Variants in SLC34A1 observed in about 807,000 individuals in gnomAD.
SLC34A1 encodes the protein sodium-dependent phosphate transport protein 2A.
SLC34A1 carries 57 observed loss-of-function variants against 51.4 expected under a neutral mutation model. That is an observed-to-expected ratio of 1.11 (90% confidence interval 0.90 to 1.38). The LOEUF is 1.38. Among genes scored for constraint, SLC34A1 ranks in the 40% most tolerant of loss-of-function variants. The pLI is 0.00. For synonymous variants in SLC34A1, 368 were observed against 358.0 expected (o/e 1.03, Z -0.32); for missense variants, 796 against 835.6 (o/e 0.95, Z 0.58).
In SLC34A1 at chr5:177,388,074, G is replaced by C; in HGVS notation, c.725G>C (p.Gly242Ala). 6.2e-7 allele frequency: 1 copy of C among 1,614,094 alleles called. No homozygotes were observed. The highest frequency in any genetic ancestry group is 8.5e-7 in the Non-Finnish European group (1 of 1,180,018). The change falls in exon 7 of 13, where the codon GGC (glycine) becomes GCC (alanine). Residue 242 changes from glycine to alanine, a missense_variant. Gly to Ala is a moderately conservative substitution (Grantham distance 60). Coordinates refer to ENST00000324417, the MANE Select transcript of SLC34A1 (RefSeq NM_003052.5). The surrounding 1 kb of genome is among the most constrained non-coding windows in gnomAD (Gnocchi z 4.3). ...CTGCTGCCCCTGGAGGCTGCCACTG[G>C]CTACCTGCACCACATCACTCGACTT... is the stretch of plus-strand genomic sequence containing the variant. ...LVLLPLEAATGYLHHITRLVV... is the reference protein window; with the variant it reads ...LVLLPLEAATAYLHHITRLVV...
At chr5:177,397,487 T>A (rs1763008320) in intron 12 of SLC34A1, 1 of 538,438 alleles carries the variant, frequency 1.9e-6, no homozygotes, top group Non-Finnish European at 3.4e-6. Context: ...CATCAATCCT[T>A]TAGCTGCTGG....
At position 177,398,314 on chromosome 5, in the gene SLC34A1, TG is replaced by T; in HGVS notation, c.*32del. ...TGTGGGCCCAGACTACAGCCTGGAA[TG>T]GGGAAGGCCTGGGGTGGAAAGGCAG... On this transcript the variant is annotated 3_prime_UTR_variant, in exon 13 of 13. Transcript: ENST00000324417. The surrounding 1 kb of genome is among the most constrained non-coding windows in gnomAD (Gnocchi z 4.7). The T allele has an allele frequency of 6.3e-7, 1 of 1,598,784 alleles. No individual in the cohort carries two copies. Among genetic ancestry groups the T allele is most frequent in the Non-Finnish European group, 8.5e-7 (1 of 1,179,852 alleles).
intron 8 of SLC34A1, among the ~76,000 whole-genome samples, chr5:177,391,089 C>A (rs544451601): frequency 6.6e-6 from 1 of 152,294 alleles, no homozygotes; most frequent in Admixed American, 6.5e-5. Context: ...GCCCCTCCAG[C>A]CTCTCCTACC....
At position 177,386,096 on chromosome 5, in the gene SLC34A1, AC is replaced by A; in HGVS notation, c.220del (p.Leu74CysfsTer33). 1.9e-6 allele frequency: 3 copies of A among 1,613,236 alleles called. No individual in the cohort carries two copies. Among genetic ancestry groups the A allele is most frequent in the Non-Finnish European group, 2.5e-6 (3 of 1,179,568 alleles). ...CGEVLERHEPLPAKLALEEEQ... is the reference protein window; with the variant it reads ...CGEVLERHEPXPAKLALEEEQ... The stretch of plus-strand genomic sequence containing the variant: ...GGGAGGTCCTGGAGCGCCATGAACC[AC>A]TGCCTGCCAAGCTGGCCCTGGAGGA... On this transcript the variant is annotated frameshift_variant, in exon 3 of 13. Transcript: ENST00000324417. LOFTEE classifies it high-confidence loss of function. The surrounding 1 kb of genome is among the most constrained non-coding windows in gnomAD (Gnocchi z 4.8).
Position 177,398,493 on chromosome 5 carries a change from T to C in SLC34A1, c.*207T>C, listed in dbSNP as rs1763045067. On this transcript the variant is annotated 3_prime_UTR_variant, in exon 13 of 13. Transcript: ENST00000324417. The surrounding 1 kb of genome is among the most constrained non-coding windows in gnomAD (Gnocchi z 4.7). The stretch of plus-strand genomic sequence containing the variant: ...AGTCTGCATGTGCACCTGTCATGTG[T>C]AGAAGCTTGTATTTGTGTACAGGTG... The C allele has an allele frequency of 3.1e-6, 2 of 653,150 alleles. No individual in the cohort carries two copies. Among genetic ancestry groups the C allele is most frequent in the Non-Finnish European group, 5.5e-6 (2 of 361,916 alleles). The allele number at this position is 653,150 out of a possible 1,614,324, so 40.5% of individuals were successfully genotyped here.
In SLC34A1 at chr5:177,388,202, C is replaced by T. The variant is rs1340358596; in HGVS notation, c.840+13C>T. 1 of 1,614,054 alleles carries T rather than the reference C, an allele frequency of 6.2e-7. No homozygotes were observed. Among genetic ancestry groups the T allele is most frequent in the Non-Finnish European group, 8.5e-7 (1 of 1,180,004 alleles). ...GCTCATCATCCAGGTGACAGCAGGG[C>T]CTGGCATGGGGTGAGGGTGGGGGTA... On this transcript the variant is annotated intron_variant, in intron 7 of 12. Coordinates refer to ENST00000324417, the MANE Select transcript of SLC34A1 (RefSeq NM_003052.5). The surrounding 1 kb of genome is among the most constrained non-coding windows in gnomAD (Gnocchi z 4.3).
At position 177,397,685 on chromosome 5, in the gene SLC34A1, C is replaced by A. The variant is rs1185277341; in HGVS notation, c.1417-98C>A. ...CCCTAAGTGGAAACTTTCCTGCTGC[C>A]CAGACCAGATCGGGGTTCCTATCAT... On this transcript the variant is annotated intron_variant, in intron 12 of 12. Coordinates refer to ENST00000324417, the MANE Select transcript of SLC34A1 (RefSeq NM_003052.5). 2.0e-6 allele frequency: 3 copies of A among 1,532,404 alleles called. No individual in the cohort carries two copies. The African/African-American group carries it at 4.1e-5, about 21-fold the overall frequency. The allele number at this position is 1,532,404 out of a possible 1,614,324, so 94.9% of individuals were successfully genotyped here. A position where few individuals can be genotyped will look rare whatever the true frequency, so the allele number is the denominator to read the frequency against.
At chr5:177,389,978 C>A (rs774184010) in intron 8 of SLC34A1, 141 of 1,382,496 alleles carry the variant, frequency 1.0e-4, no homozygotes, top group Non-Finnish European at 1.3e-4. Context: ...GGGACCCAAG[C>A]TCTCACTTTC....
chr5:177,398,619 G>T lies in SLC34A1; in HGVS notation c.*333G>T. The T allele has an allele frequency of 2.2e-6, 1 of 458,096 alleles. No homozygotes were observed. Among genetic ancestry groups the T allele is most frequent in the Non-Finnish European group, 4.1e-6 (1 of 244,752 alleles). 28.4% of individuals were successfully genotyped at this position (458,096 alleles called of 1,614,324 possible). A position where few individuals can be genotyped will look rare whatever the true frequency, so the allele number is the denominator to read the frequency against. ...TCAGGTCCTCTGCACGTGTACACATGACTAGGATAGGCAGGAGTAAGGGTG... is the reference window on the plus strand; with the variant it reads ...TCAGGTCCTCTGCACGTGTACACATTACTAGGATAGGCAGGAGTAAGGGTG... On this transcript the variant is annotated 3_prime_UTR_variant, in exon 13 of 13. Coordinates refer to ENST00000324417, the MANE Select transcript of SLC34A1 (RefSeq NM_003052.5). The surrounding 1 kb of genome is among the most constrained non-coding windows in gnomAD (Gnocchi z 4.7).
intron 6 of SLC34A1, 31 bp downstream of exon 6, chr5:177,387,904 C>A: frequency 6.2e-7 from 1 of 1,605,246 alleles, no homozygotes; most frequent in Non-Finnish European, 8.5e-7. Context: ...GGGGCTCGTG[C>A]CTGGGGGAGG....
chr5:177,393,227 C>G (rs550099123), intron 8 of SLC34A1, among the ~76,000 whole-genome samples: 1 of 152,058 alleles, frequency 6.6e-6, no homozygotes, highest in Non-Finnish European at 1.5e-5. Context: ...CCTTACACCC[C>G]CTGAGGATAA....
In SLC34A1 at chr5:177,397,091, G is replaced by A; in HGVS notation, c.1416+17G>A. The A allele has an allele frequency of 6.2e-7, 1 of 1,611,024 alleles. No homozygotes were observed. Reference sequence around the variant, plus strand: ...GCTTTCCAGGTGCGCTGGGAGTGTAGCCTCGCCTGGGGCAGGATGGAGCTG... The same window carrying A: ...GCTTTCCAGGTGCGCTGGGAGTGTAACCTCGCCTGGGGCAGGATGGAGCTG... On this transcript the variant is annotated intron_variant, in intron 12 of 12. Coordinates refer to ENST00000324417, the MANE Select transcript of SLC34A1 (RefSeq NM_003052.5).
chr5:177,398,385 C>A lies in SLC34A1; in HGVS notation c.*99C>A. The A allele has an allele frequency of 7.1e-7, 1 of 1,404,886 alleles. No individual in the cohort carries two copies. Among genetic ancestry groups the A allele is most frequent in the Non-Finnish European group, 1.0e-6 (1 of 1,004,866 alleles). 87.0% of individuals were successfully genotyped at this position (1,404,886 alleles called of 1,614,324 possible). A position where few individuals can be genotyped will look rare whatever the true frequency, so the allele number is the denominator to read the frequency against. On this transcript the variant is annotated 3_prime_UTR_variant, in exon 13 of 13. Coordinates refer to ENST00000324417, the MANE Select transcript of SLC34A1 (RefSeq NM_003052.5). The surrounding 1 kb of genome is among the most constrained non-coding windows in gnomAD (Gnocchi z 4.7). ...GGTATGTGCATGTGCCTGTGCCACC[C>A]TGGGTGCCAGTCTCTCCTTCTGTAG...
intron 8 of SLC34A1, chr5:177,389,803 C>T: frequency 6.5e-7 from 1 of 1,529,374 alleles, no homozygotes; most frequent in Non-Finnish European, 8.8e-7. Flanking sequence ...AAGTCATCCT[C>T]ACCCAGGTTC....
At chr5:177,385,912 G>C in intron 2 of SLC34A1, 62 bp downstream of exon 2, 1 of 1,609,896 alleles carries the variant, frequency 6.2e-7, no homozygotes, top group Non-Finnish European at 8.5e-7. Flanking sequence ...CCCGGATGAG[G>C]CCACTTCCCC....
chr5:177,392,160 C>T (rs944096724), intron 8 of SLC34A1, among the ~76,000 whole-genome samples: 9 of 152,178 alleles, frequency 5.9e-5, no homozygotes, highest in African/African-American at 1.9e-4. Context: ...TTACACCAGA[C>T]GCCATAAAAG....
At chr5:177,397,289 A>C (rs1054658336) in intron 12 of SLC34A1, 7 of 588,134 alleles carry the variant, frequency 1.2e-5, no homozygotes, top group Non-Finnish European at 2.1e-5. Flanking sequence ...TACACCAATA[A>C]ATAGCAGTGA....
In SLC34A1 at chr5:177,388,938, G is replaced by A. The variant is rs1056693595; in HGVS notation, c.936+566G>A. ...CATGTTTTGGGACCCAGGTAACGTG[G>A]GGAAGAGGCAGAGTGCTATAAGGAT... On this transcript the variant is annotated intron_variant, in intron 8 of 12. Coordinates refer to ENST00000324417, the MANE Select transcript of SLC34A1 (RefSeq NM_003052.5). This position sits in a 1 kb window ranked among gnomAD's most constrained non-coding sequence, Gnocchi z 4.3. Among the ~76,000 whole-genome samples the A allele has an allele frequency of 1.3e-5, 2 of 152,136 alleles. No homozygotes were observed. The highest frequency in any genetic ancestry group is 2.9e-5 in the Non-Finnish European group (2 of 68,018).
chr5:177,389,565 T>C, intron 8 of SLC34A1: 1 of 1,530,514 alleles, frequency 6.5e-7, no homozygotes, highest in African/African-American at 1.4e-5. Flanking sequence ...CTTTAATACA[T>C]CAACCACTTT....
Sources: allele counts gnomAD v4.1 joint callset (sites outside exome capture counted in the v4.1 genomes callset), GRCh38; gene constraint gnomAD v4.1.1; non-coding constraint Gnocchi (gnomAD v3.1); transcripts MANE v1.5; gene names NCBI Gene and HGNC (gene_info 2026-07-23, HGNC 2026-07-21).